The following HS6ST3 variants were observed in gnomAD, a reference collection of about 807,000 sequenced individuals.
HS6ST3 encodes the protein heparan-sulfate 6-O-sulfotransferase 3.
HS6ST3 carries 12 observed loss-of-function variants against 36.7 expected under a neutral mutation model. The observed-to-expected ratio is 0.33, with a 90% CI of 0.21 to 0.53. HS6ST3 has a LOEUF of 0.53. Among genes scored for constraint, HS6ST3 ranks in the 20% least tolerant of loss-of-function variants. HS6ST3 has a pLI of 0.95. For synonymous variants in HS6ST3, 240 were observed against 257.5 expected (o/e 0.93, Z 0.65); for missense variants, 584 against 640.9 (o/e 0.91, Z 0.96).
At chr13:96,188,413 A>C (rs1343105104) in intron 1 of HS6ST3, among the ~76,000 whole-genome samples, 1 of 149,280 alleles carries the variant, frequency 6.7e-6, no homozygotes, top group Non-Finnish European at 1.5e-5. Flanking sequence ...CCAGGAGTTC[A>C]AGATCGGCCT....
At chr13:96,266,579 A>G (rs1927796) in intron 1 of HS6ST3, among the ~76,000 whole-genome samples, 69,652 of 152,008 alleles carry the variant, frequency 0.46, 16,788 homozygotes, top group Admixed American at 0.57. Context: ...GAGTAGTTTA[A>G]TTGACAGAAC....
intron 1 of HS6ST3, among the ~76,000 whole-genome samples, chr13:96,351,132 C>T (rs1925110): frequency 0.44 from 66,223 of 151,680 alleles, 15,526 homozygotes; most frequent in Non-Finnish European, 0.53. Flanking sequence ...TTAAAGGTCA[C>T]GTAGCATTAA....
chr13:96,332,387 C>G (rs1594755764), intron 1 of HS6ST3, among the ~76,000 whole-genome samples: 2 of 152,216 alleles, frequency 1.3e-5, no homozygotes, highest in Admixed American at 1.3e-4. Flanking sequence ...TAACGGTAAC[C>G]TTTGAGAAAA....
intron 1 of HS6ST3, among the ~76,000 whole-genome samples, chr13:96,155,457 T>C (rs573530081): frequency 8.5e-5 from 13 of 152,312 alleles, no homozygotes; most frequent in African/African-American, 2.9e-4. Context: ...TAGGTATTAA[T>C]TAGCCCTAGA....
chr13:96,224,952 G>A (rs2054473204), intron 1 of HS6ST3, among the ~76,000 whole-genome samples: 2 of 152,278 alleles, frequency 1.3e-5, no homozygotes, highest in South Asian at 4.1e-4. Flanking sequence ...CATTGTTACT[G>A]GGAGTGTGTT....
intron 1 of HS6ST3, among the ~76,000 whole-genome samples, chr13:96,464,519 C>T (rs992751832): frequency 4.6e-5 from 7 of 152,040 alleles, no homozygotes; most frequent in Non-Finnish European, 1.5e-5. Context: ...ATACATAACT[C>T]TACAAAAATG....
At chr13:96,512,772 T>G (rs1297401123) in intron 1 of HS6ST3, among the ~76,000 whole-genome samples, 2 of 152,168 alleles carry the variant, frequency 1.3e-5, no homozygotes, top group Non-Finnish European at 2.9e-5. Context: ...ATTCCAGTGG[T>G]TTATCTGTTG....
At chr13:96,736,987 AC>A (rs1876301044) in intron 1 of HS6ST3, among the ~76,000 whole-genome samples, 1 of 152,204 alleles carries the variant, frequency 6.6e-6, no homozygotes, top group Admixed American at 6.5e-5. Flanking sequence ...TGATTCACTA[AC>A]AAAAAAAATT....
chr13:96,689,575 A>G (rs1489855955), intron 1 of HS6ST3, among the ~76,000 whole-genome samples: 1 of 113,436 alleles, frequency 8.8e-6, no homozygotes, highest in South Asian at 3.0e-4. Context: ...AGGATCACCC[A>G]TTGTGTTTGT....
At chr13:96,152,377 C>CA (rs2054089968) in intron 1 of HS6ST3, among the ~76,000 whole-genome samples, 1 of 144,764 alleles carries the variant, frequency 6.9e-6, no homozygotes, top group African/African-American at 2.6e-5. Flanking sequence ...TCGCTCTGTC[C>CA]CCCAGGCTGG....
At chr13:96,098,130 GT>G (rs2053800398) in intron 1 of HS6ST3, among the ~76,000 whole-genome samples, 1 of 152,100 alleles carries the variant, frequency 6.6e-6, no homozygotes, top group South Asian at 2.1e-4. Context: ...TATTGAGGAG[GT>G]TTCTCCTATT....
At chr13:96,667,852 G>T (rs959555254) in intron 1 of HS6ST3, among the ~76,000 whole-genome samples, 1 of 152,140 alleles carries the variant, frequency 6.6e-6, no homozygotes, top group Non-Finnish European at 1.5e-5. Flanking sequence ...AAGGGGAGTG[G>T]AAAAAGCCAC....
chr13:96,553,859 T>G (rs189099840), intron 1 of HS6ST3, among the ~76,000 whole-genome samples: 1 of 152,276 alleles, frequency 6.6e-6, no homozygotes, highest in Admixed American at 6.5e-5. Flanking sequence ...GAGAGCATCA[T>G]GAAGAGCTGT....
At chr13:96,677,165 C>A (rs2056701476) in intron 1 of HS6ST3, among the ~76,000 whole-genome samples, 1 of 151,946 alleles carries the variant, frequency 6.6e-6, no homozygotes, top group South Asian at 2.1e-4. Context: ...ACAAGAATGT[C>A]TATATTGTCT....
In HS6ST3 at chr13:96,174,723, T is replaced by A. The variant is rs578252301; in HGVS notation, c.707+83154T>A. Reference sequence around the variant, plus strand: ...AACCAATAAGGAACATTTACAATATTATGATCAAATAAATATTATTTACTG... The same window carrying A: ...AACCAATAAGGAACATTTACAATATAATGATCAAATAAATATTATTTACTG... On this transcript the variant is annotated intron_variant, in intron 1 of 1. Coordinates refer to ENST00000376705, the MANE Select transcript of HS6ST3 (RefSeq NM_153456.4). 1.2e-4 allele frequency among the ~76,000 whole-genome samples: 18 copies of A among 152,356 alleles called. No homozygotes were observed. The South Asian group carries it at 3.5e-3, about 30-fold the overall frequency.
intron 1 of HS6ST3, among the ~76,000 whole-genome samples, chr13:96,170,927 A>G (rs1170256621): frequency 2.6e-5 from 4 of 152,252 alleles, no homozygotes; most frequent in Admixed American, 6.5e-5. Flanking sequence ...ACACACGCGC[A>G]CGTGCGCACA....
intron 1 of HS6ST3, among the ~76,000 whole-genome samples, chr13:96,637,996 C>G (rs2056555846): frequency 6.6e-6 from 1 of 152,038 alleles, no homozygotes; most frequent in Non-Finnish European, 1.5e-5. Context: ...CTTTTCATTT[C>G]TGGAGAAAAC....
chr13:96,127,777 A>C (rs966567514), intron 1 of HS6ST3, among the ~76,000 whole-genome samples: 12 of 152,250 alleles, frequency 7.9e-5, no homozygotes, highest in East Asian at 5.8e-4. Flanking sequence ...GATCTCACAC[A>C]TTTCTGTAAT....
In HS6ST3 at chr13:96,468,469, T is replaced by TAC. The variant is rs146508827; in HGVS notation, c.708-364015_708-364014dup. 2.2e-3 allele frequency among the ~76,000 whole-genome samples: 102 copies of TAC among 46,248 alleles called. 1 individual carries two copies. Among genetic ancestry groups the TAC allele is most frequent in the South Asian group, 0.018 (17 of 932 alleles). 30.3% of individuals were successfully genotyped at this position (46,248 alleles called of 152,430 possible). A position where few individuals can be genotyped will look rare whatever the true frequency, so the allele number is the denominator to read the frequency against. On this transcript the variant is annotated intron_variant, in intron 1 of 1. Transcript: ENST00000376705. ...ATTTTATTTAACATTTAACAGGACA[T>TAC]ACACACATACACACACACACACACA...
Sources: gnomAD v4.1 joint callset for allele counts (sites outside exome capture counted in the v4.1 genomes callset) on GRCh38, gnomAD v4.1.1 for gene constraint, MANE v1.5 for transcripts, NCBI Gene and HGNC (gene_info 2026-07-23, HGNC 2026-07-21) for gene names.